The following SMIM36 variants were observed in gnomAD, a reference collection of about 807,000 sequenced individuals.
The protein encoded by SMIM36 is small integral membrane protein 36.
intron 1 of SMIM36, among the ~76,000 whole-genome samples, chr17:55,509,903 G>A (rs1260442899): frequency 3.9e-5 from 6 of 152,148 alleles, no homozygotes; most frequent in Non-Finnish European, 8.8e-5. Flanking sequence ...AAGCTGTGGG[G>A]TCTCAGAATT....
At position 55,462,147 on chromosome 17, in the gene SMIM36, T is replaced by C. The variant is rs150057230; in HGVS notation, c.*531+4998A>G. Among the ~76,000 whole-genome samples, 1,341 of 152,326 alleles carry C rather than the reference T, an allele frequency of 8.8e-3. 18 individuals are homozygous for C. Among genetic ancestry groups the C allele is most frequent in the African/African-American group, 0.03 (1,267 of 41,570 alleles). ...AATCTTGGTTTTAGATGGATAGACT[T>C]GGGTTTGAATATTGACTTCCCCACT... On this transcript the variant is annotated intron_variant, in intron 4 of 4. Coordinates refer to ENST00000636752, the Ensembl canonical transcript of SMIM36.
intron 4 of SMIM36, among the ~76,000 whole-genome samples, chr17:55,459,118 T>C (rs1296024998): frequency 3.9e-5 from 6 of 152,130 alleles, no homozygotes; most frequent in Non-Finnish European, 8.8e-5. Flanking sequence ...CCACAGCCTG[T>C]CCGTGTGTAT....
At chr17:55,531,694 T>C in the SMIM36 span, among the ~76,000 whole-genome samples, 2 of 152,368 alleles carry the variant, frequency 1.3e-5, no homozygotes, top group East Asian at 1.9e-4. Flanking sequence ...TTACTTTGTA[T>C]GGGCTACTTT....
chr17:55,518,955 G>A, the SMIM36 span, among the ~76,000 whole-genome samples: 1 of 151,494 alleles, frequency 6.6e-6, no homozygotes, highest in Non-Finnish European at 1.5e-5. Context: ...AACAGCTTTG[G>A]TGGTGAGAAT....
chr17:55,457,470 AG>A (rs1909045614), intron 4 of SMIM36, among the ~76,000 whole-genome samples: 1 of 150,568 alleles, frequency 6.6e-6, no homozygotes, highest in Non-Finnish European at 1.5e-5. Context: ...AAAAAAAAAA[AG>A]AATAGAATAA....
intron 1 of SMIM36, among the ~76,000 whole-genome samples, chr17:55,501,201 A>T (rs370520073): frequency 0.032 from 171 of 5,394 alleles, 18 homozygotes; most frequent in African/African-American, 0.15. Flanking sequence ...TATCTTATAT[A>T]TTATAATATA....
intron 1 of SMIM36, among the ~76,000 whole-genome samples, chr17:55,484,716 A>G (rs1269788485): frequency 6.6e-6 from 1 of 152,240 alleles, no homozygotes; most frequent in Non-Finnish European, 1.5e-5. Context: ...TGGGTAGGCA[A>G]CTAAGAGTAG....
the SMIM36 span, among the ~76,000 whole-genome samples, chr17:55,526,741 A>G: frequency 2.0e-5 from 3 of 152,134 alleles, no homozygotes; most frequent in Non-Finnish European, 2.9e-5. Flanking sequence ...GACAACAGAA[A>G]AAATAAGCTA....
At chr17:55,521,623 G>T in the SMIM36 span, among the ~76,000 whole-genome samples, 1 of 152,154 alleles carries the variant, frequency 6.6e-6, no homozygotes, top group East Asian at 1.9e-4. Flanking sequence ...TCATTTATTT[G>T]ATGTGTAGAT....
chr17:55,479,753 A>G (rs1909488931), intron 1 of SMIM36, among the ~76,000 whole-genome samples, 173 bp from the exon 2 acceptor site: 1 of 152,210 alleles, frequency 6.6e-6, no homozygotes, highest in Non-Finnish European at 1.5e-5. Flanking sequence ...TTTATTATAT[A>G]TAAAGTAAGG....
chr17:55,524,226 A>G, the SMIM36 span, among the ~76,000 whole-genome samples: 3 of 152,156 alleles, frequency 2.0e-5, no homozygotes, highest in Non-Finnish European at 2.9e-5. Flanking sequence ...CTCCAGCCCC[A>G]TCCATGTTTC....
the SMIM36 span, among the ~76,000 whole-genome samples, chr17:55,530,244 C>T: frequency 2.6e-5 from 4 of 152,086 alleles, no homozygotes; most frequent in African/African-American, 4.8e-5. Flanking sequence ...TGGTAAAGGT[C>T]GAGGGTAGGA....
At chr17:55,483,262 C>T (rs1909549755) in intron 1 of SMIM36, among the ~76,000 whole-genome samples, 1 of 152,180 alleles carries the variant, frequency 6.6e-6, no homozygotes, top group East Asian at 1.9e-4. Flanking sequence ...CACATATGAA[C>T]ACTCACAGTA....
chr17:55,524,122 G>A, the SMIM36 span, among the ~76,000 whole-genome samples: 2,408 of 152,026 alleles, frequency 0.016, 61 homozygotes, highest in African/African-American at 0.056. Context: ...TCCCCTTTGC[G>A]TCTATAAATT....
intron 3 of SMIM36, among the ~76,000 whole-genome samples, chr17:55,473,732 G>T (rs1909380183): frequency 6.6e-6 from 1 of 152,158 alleles, no homozygotes; most frequent in East Asian, 1.9e-4. Context: ...GCAGGGTACA[G>T]TCCATTTGAA....
At chr17:55,479,788 C>T (rs1007186978) in intron 1 of SMIM36, among the ~76,000 whole-genome samples, 26 of 152,034 alleles carry the variant, frequency 1.7e-4, no homozygotes, top group African/African-American at 6.3e-4. Context: ...ATCTTAGAGC[C>T]GTTGTGAGTA....
At chr17:55,494,228 C>T (rs1266432736) in intron 1 of SMIM36, among the ~76,000 whole-genome samples, 4 of 152,082 alleles carry the variant, frequency 2.6e-5, no homozygotes, top group South Asian at 4.1e-4. Flanking sequence ...ACGAGACACG[C>T]ACTCCTTTTT....
At chr17:55,466,187 G>C (rs1161182087) in intron 4 of SMIM36, among the ~76,000 whole-genome samples, 2 of 140,608 alleles carry the variant, frequency 1.4e-5, no homozygotes, top group Non-Finnish European at 3.0e-5. Context: ...TGAGGTAGGA[G>C]AATCGCTTGA....
intron 1 of SMIM36, among the ~76,000 whole-genome samples, chr17:55,497,345 A>G (rs1909827605): frequency 6.6e-6 from 1 of 152,026 alleles, no homozygotes; most frequent in South Asian, 2.1e-4. Context: ...GCTCACCGCA[A>G]CTTCTGCCTC....
Sources: gnomAD v4.1 joint callset for allele counts (sites outside exome capture counted in the v4.1 genomes callset) on GRCh38, gnomAD v4.1.1 for gene constraint, MANE v1.5 for transcripts, NCBI Gene and HGNC (gene_info 2026-07-23, HGNC 2026-07-21) for gene names.